Variants in CACNA1C observed in about 807,000 individuals in gnomAD.
The protein encoded by CACNA1C is voltage-dependent L-type calcium channel subunit alpha-1C.
In CACNA1C, 30 loss-of-function variants were observed where a neutral mutation model predicts 229.0. That is an observed-to-expected ratio of 0.13 (90% CI 0.10 to 0.18). The LOEUF is 0.18. Ranked by LOEUF, CACNA1C falls within the 10% of genes least tolerant of loss-of-function variation. The pLI, the probability that CACNA1C is intolerant of heterozygous loss-of-function variation, is 1.00. For synonymous variants in CACNA1C, 1,114 were observed against 1,132.5 expected, an observed-to-expected ratio of 0.98 and a Z score of 0.33; for missense variants, 1,658 against 2,845.0, an observed-to-expected ratio of 0.58 and a Z score of 9.49.
At chr12:2,135,646 A>T (rs1240218215) in intron 3 of CACNA1C, among the ~76,000 whole-genome samples, 1 of 141,494 alleles carries the variant, frequency 7.1e-6, no homozygotes, top group Non-Finnish European at 1.5e-5. Context: ...GACCCACTTG[A>T]AGAGGCAGTC....
chr12:2,390,400 G>A (rs534752778), intron 3 of CACNA1C, among the ~76,000 whole-genome samples: 4 of 152,138 alleles, frequency 2.6e-5, no homozygotes, highest in Admixed American at 6.5e-5. Context: ...TTAACATTAC[G>A]GGACAGTCAC....
Position 2,602,095 on chromosome 12 carries a change from T to C in CACNA1C, c.2960+135T>C. ...GAGTGGGGTGGGGCCTCCAAAGCTGTGCATGGTGGCTTTGGGTTCTTGGTT... is the reference window on the plus strand; with the variant it reads ...GAGTGGGGTGGGGCCTCCAAAGCTGCGCATGGTGGCTTTGGGTTCTTGGTT... On this transcript the variant is annotated intron_variant, in intron 22 of 46. Transcript: ENST00000399655. This position sits in a 1 kb window ranked among gnomAD's most constrained non-coding sequence, Gnocchi z 4.4. 1 of 650,298 alleles carries C rather than the reference T, an allele frequency of 1.5e-6. No homozygotes were observed. The highest frequency in any genetic ancestry group is 2.7e-5 in the East Asian group (1 of 37,038). The allele number at this position is 650,298 out of a possible 1,614,324, so 40.3% of individuals were successfully genotyped here. A position where few individuals can be genotyped will look rare whatever the true frequency, so the allele number is the denominator to read the frequency against.
intron 11 of CACNA1C, among the ~76,000 whole-genome samples, chr12:2,559,319 G>A (rs1473832624): frequency 1.3e-5 from 2 of 152,210 alleles, no homozygotes; most frequent in Non-Finnish European, 2.9e-5. Flanking sequence ...AGGATGGAAG[G>A]GAAAATTACA....
At chr12:2,250,368 C>T (rs1053861325) in intron 3 of CACNA1C, among the ~76,000 whole-genome samples, 3 of 152,144 alleles carry the variant, frequency 2.0e-5, no homozygotes, top group Admixed American at 6.5e-5. Context: ...CGCACAGCAC[C>T]GAATCCTGAA....
chr12:2,610,983 G>C lies in CACNA1C; in HGVS notation c.3717+284G>C, dbSNP rs2077387623. On this transcript the variant is annotated intron_variant, in intron 28 of 46. Coordinates refer to ENST00000399655, the MANE Select transcript of CACNA1C (RefSeq NM_000719.7). ...TGGTTGATCAATGGAGAGAGGGGAG[G>C]AGATGGAGAACGGAGGGATGAGCTG... is the stretch of plus-strand genomic sequence containing the variant. 5.3e-5 allele frequency among the ~76,000 whole-genome samples: 8 copies of C among 151,834 alleles called. No individual in the cohort carries two copies. In the South Asian group the frequency reaches 1.7e-3, roughly 32 times the overall value.
intron 1 of CACNA1C, among the ~76,000 whole-genome samples, chr12:2,081,626 A>G (rs2065678685): frequency 6.6e-6 from 1 of 152,200 alleles, no homozygotes; most frequent in African/African-American, 2.4e-5. Context: ...ATTTACCTCT[A>G]AAGTGATCTG....
At chr12:2,337,963 A>G in intron 3 of CACNA1C, among the ~76,000 whole-genome samples, 1 of 152,058 alleles carries the variant, frequency 6.6e-6, no homozygotes, top group East Asian at 1.9e-4. Flanking sequence ...GATCTCCTTA[A>G]TTGTCCCCTT....
intron 5 of CACNA1C, among the ~76,000 whole-genome samples, chr12:2,465,171 A>G (rs1413154081): frequency 1.3e-5 from 2 of 152,244 alleles, no homozygotes; most frequent in East Asian, 1.9e-4. Flanking sequence ...TAGCTGTTAC[A>G]TTATATTATA....
At chr12:2,542,599 G>A (rs1322191098) in intron 9 of CACNA1C, among the ~76,000 whole-genome samples, 1 of 151,900 alleles carries the variant, frequency 6.6e-6, no homozygotes, top group African/African-American at 2.4e-5. Flanking sequence ...CCAAGGAAGG[G>A]CAATCTACAC....
intron 3 of CACNA1C, among the ~76,000 whole-genome samples, chr12:2,393,914 C>T (rs1048018116): frequency 3.3e-5 from 5 of 151,578 alleles, no homozygotes; most frequent in Admixed American, 6.6e-5. Context: ...AAGACCAGCC[C>T]GGGCAACATA....
chr12:2,673,880 G>A (rs2096668927), intron 38 of CACNA1C, among the ~76,000 whole-genome samples: 1 of 152,216 alleles, frequency 6.6e-6, no homozygotes, highest in Non-Finnish European at 1.5e-5. Flanking sequence ...ATGATGGTCA[G>A]GGGCCCAGGG....
chr12:2,668,877 C>T (rs1387729428), intron 37 of CACNA1C, 56 bp from the exon 38 acceptor site: 11 of 1,131,036 alleles, frequency 9.7e-6, no homozygotes, highest in Middle Eastern at 2.0e-4. Context: ...CGGTGTTCTG[C>T]GGTCCCCTAA....
At chr12:2,119,893 G>C (rs2239131) in intron 2 of CACNA1C, among the ~76,000 whole-genome samples, 1 of 152,180 alleles carries the variant, frequency 6.6e-6, no homozygotes, top group Admixed American at 6.5e-5. Flanking sequence ...TCTCTGTCTT[G>C]GAATCCTGTT....
chr12:2,362,093 C>CT (rs1167056670), intron 3 of CACNA1C, among the ~76,000 whole-genome samples: 1 of 152,228 alleles, frequency 6.6e-6, no homozygotes, highest in African/African-American at 2.4e-5. Context: ...ACAGCTGGTG[C>CT]TTAAAAATAG....
chr12:2,246,746 C>T (rs916484886), intron 3 of CACNA1C, among the ~76,000 whole-genome samples: 1 of 152,176 alleles, frequency 6.6e-6, no homozygotes, highest in Non-Finnish European at 1.5e-5. Flanking sequence ...AGCAAGGAAG[C>T]TTTTCTCCTG....
chr12:2,549,700 A>G (rs1213377257), intron 9 of CACNA1C, among the ~76,000 whole-genome samples: 2 of 152,100 alleles, frequency 1.3e-5, no homozygotes, highest in Non-Finnish European at 2.9e-5. Flanking sequence ...AAATGCTCTT[A>G]TTACCAGATG....
chr12:2,429,012 G>C (rs2099058282), intron 3 of CACNA1C, among the ~76,000 whole-genome samples: 1 of 152,208 alleles, frequency 6.6e-6, no homozygotes. Context: ...AAATCAAGGA[G>C]TTGGCGGGGC....
intron 5 of CACNA1C, among the ~76,000 whole-genome samples, chr12:2,461,524 C>CAG (rs2099501977): frequency 1.3e-5 from 2 of 152,286 alleles, no homozygotes; most frequent in South Asian, 4.1e-4. Flanking sequence ...TAACCAGCAG[C>CAG]TGTGTGTCAC....
chr12:2,366,479 A>C (rs2097721106), intron 3 of CACNA1C, among the ~76,000 whole-genome samples: 1 of 152,206 alleles, frequency 6.6e-6, no homozygotes, highest in African/African-American at 2.4e-5. Context: ...GGAGGGAAGC[A>C]GGTGTTACAT....
Sources: gnomAD v4.1 joint callset for allele counts (sites outside exome capture counted in the v4.1 genomes callset) on GRCh38, gnomAD v4.1.1 for gene constraint, Gnocchi (gnomAD v3.1) non-coding constraint, MANE v1.5 for transcripts, NCBI Gene and HGNC (gene_info 2026-07-23, HGNC 2026-07-21) for gene names.